The following NKAIN2 variants were observed in gnomAD, a reference collection of about 807,000 sequenced individuals.
The protein encoded by NKAIN2 is sodium/potassium-transporting ATPase subunit beta-1-interacting protein 2.
A neutral mutation model predicts 32.6 loss-of-function variants in NKAIN2; 14 were observed. That is an observed-to-expected ratio of 0.43 (90% CI 0.28 to 0.67). The LOEUF is 0.67. Ranked by LOEUF, NKAIN2 falls within the 30% of genes least tolerant of loss-of-function variation. NKAIN2 has a pLI of 0.17. For synonymous variants in NKAIN2, 80 were observed against 87.2 expected, an observed-to-expected ratio of 0.92 and a Z score of 0.46; for missense variants, 198 against 258.3, an observed-to-expected ratio of 0.77 and a Z score of 1.60.
intron 3 of NKAIN2, among the ~76,000 whole-genome samples, chr6:124,638,513 C>T (rs1035448466): frequency 2.0e-5 from 3 of 152,082 alleles, no homozygotes; most frequent in Non-Finnish European, 2.9e-5. Context: ...ACTATTCGTA[C>T]AAGAGATTAA....
intron 3 of NKAIN2, among the ~76,000 whole-genome samples, chr6:124,583,605 A>G (rs1208991243): frequency 6.6e-6 from 1 of 152,218 alleles, no homozygotes. Context: ...CTTCACAGGA[A>G]TAGAAAATAC....
At chr6:124,817,692 A>G (rs1416354797) in intron 5 of NKAIN2, among the ~76,000 whole-genome samples, 3 of 152,332 alleles carry the variant, frequency 2.0e-5, no homozygotes, top group Non-Finnish European at 4.4e-5. Context: ...CACATTGTAA[A>G]AACATATAAA....
At chr6:123,857,688 G>C (rs1775608003) in intron 1 of NKAIN2, among the ~76,000 whole-genome samples, 1 of 150,460 alleles carries the variant, frequency 6.6e-6, no homozygotes, top group Non-Finnish European at 1.5e-5. Context: ...TCTTCTGGCA[G>C]TTCAACATGC....
intron 3 of NKAIN2, among the ~76,000 whole-genome samples, chr6:124,630,563 A>G (rs1339678201): frequency 6.6e-6 from 1 of 152,290 alleles, no homozygotes; most frequent in Middle Eastern, 3.4e-3. Context: ...CTACTGTCTT[A>G]GTTTGCACTG....
chr6:124,447,221 G>T (rs573358820), intron 3 of NKAIN2, among the ~76,000 whole-genome samples: 10 of 152,116 alleles, frequency 6.6e-5, no homozygotes, highest in South Asian at 2.1e-4. Context: ...GAATGCCCCC[G>T]TTGTAATATT....
At chr6:124,783,418 T>C (rs1216667729) in intron 4 of NKAIN2, among the ~76,000 whole-genome samples, 1 of 152,208 alleles carries the variant, frequency 6.6e-6, no homozygotes, top group African/African-American at 2.4e-5. Flanking sequence ...TTTAATACAG[T>C]CATGCTTGAT....
chr6:124,410,136 A>G (rs1277306864), intron 3 of NKAIN2, among the ~76,000 whole-genome samples: 3 of 152,088 alleles, frequency 2.0e-5, no homozygotes, highest in African/African-American at 7.2e-5. Flanking sequence ...GATCTTTTCA[A>G]AAAACCAGCT....
chr6:124,241,613 G>A (rs886691088), intron 1 of NKAIN2, among the ~76,000 whole-genome samples: 1 of 152,018 alleles, frequency 6.6e-6, no homozygotes, highest in African/African-American at 2.4e-5. Context: ...TCTGATCTTC[G>A]AAAAACCTGA....
rs1035099608 is a variant in NKAIN2, at chr6:124,631,633, G to A, written c.274-26553G>A. ...TACCAGGGAGCAGCTCTAATGCTTG[G>A]TGACTGGTCTGACTTACCGTCCAGA... On this transcript the variant is annotated intron_variant, in intron 3 of 6. Coordinates refer to ENST00000368417, the MANE Select transcript of NKAIN2 (RefSeq NM_001040214.3). Among the ~76,000 whole-genome samples, 58 of 152,052 alleles carry A rather than the reference G, an allele frequency of 3.8e-4. 1 individual carries two copies.
intron 1 of NKAIN2, among the ~76,000 whole-genome samples, chr6:123,860,082 C>G (rs1381689088): frequency 6.6e-6 from 1 of 152,132 alleles, no homozygotes; most frequent in African/African-American, 2.4e-5. Context: ...TAAGGAAAGT[C>G]AATGCCACAG....
chr6:124,606,947 C>A (rs1414326400), intron 3 of NKAIN2, among the ~76,000 whole-genome samples: 2 of 152,114 alleles, frequency 1.3e-5, no homozygotes. Context: ...TAATAACTTT[C>A]TAAGCAGATG....
chr6:124,773,760 T>TA (rs749048080), intron 4 of NKAIN2, among the ~76,000 whole-genome samples: 66 of 152,228 alleles, frequency 4.3e-4, no homozygotes, highest in Non-Finnish European at 7.9e-4. Flanking sequence ...GGAAAAATAA[T>TA]AGAGTGGGGT....
chr6:124,228,563 G>A (rs1316682791), intron 1 of NKAIN2, among the ~76,000 whole-genome samples: 2 of 152,166 alleles, frequency 1.3e-5, no homozygotes, highest in South Asian at 2.1e-4. Flanking sequence ...TGAATATATT[G>A]AACACACAAC....
intron 1 of NKAIN2, among the ~76,000 whole-genome samples, chr6:123,866,262 A>G (rs563985210): frequency 2.0e-4 from 30 of 152,140 alleles, no homozygotes; most frequent in South Asian, 8.3e-4. Flanking sequence ...TGACTATTAC[A>G]CTGCCTGTCT....
chr6:124,762,344 C>T (rs1778310230), intron 4 of NKAIN2, among the ~76,000 whole-genome samples: 1 of 152,082 alleles, frequency 6.6e-6, no homozygotes, highest in Non-Finnish European at 1.5e-5. Flanking sequence ...AGGACCCCCT[C>T]CCTAAGAGCC....
intron 3 of NKAIN2, among the ~76,000 whole-genome samples, chr6:124,473,325 T>G (rs1029102605): frequency 1.4e-4 from 22 of 152,182 alleles, no homozygotes; most frequent in Admixed American, 1.3e-4. Context: ...AATTGCACTT[T>G]CCTTAGATAA....
At chr6:124,272,720 A>C (rs947507937) in intron 1 of NKAIN2, among the ~76,000 whole-genome samples, 2 of 152,194 alleles carry the variant, frequency 1.3e-5, no homozygotes, top group African/African-American at 4.8e-5. Flanking sequence ...GAAAAGCCAC[A>C]GGCGCTCAAT....
At chr6:124,168,975 A>G (rs1788708899) in intron 1 of NKAIN2, among the ~76,000 whole-genome samples, 3 of 152,250 alleles carry the variant, frequency 2.0e-5, no homozygotes, top group South Asian at 2.1e-4. Flanking sequence ...ATTTTAGTAA[A>G]GCTAGTTAAA....
chr6:124,024,174 A>G (rs988330912), intron 1 of NKAIN2, among the ~76,000 whole-genome samples: 3 of 152,102 alleles, frequency 2.0e-5, no homozygotes, highest in Admixed American at 1.3e-4. Context: ...TTTGATGATT[A>G]TTTTTACCTT....
Sources: gnomAD v4.1 joint callset for allele counts (sites outside exome capture counted in the v4.1 genomes callset) on GRCh38, gnomAD v4.1.1 for gene constraint, MANE v1.5 for transcripts, NCBI Gene and HGNC (gene_info 2026-07-23, HGNC 2026-07-21) for gene names.